DACH2: variants seen among roughly 807,000 people sequenced by gnomAD.
The protein encoded by DACH2 is dachshund homolog 2.
Under a neutral mutation model 35.8 loss-of-function variants are expected in DACH2, and 17 were observed. That is an observed-to-expected ratio of 0.48 (90% CI 0.33 to 0.71). The LOEUF (loss-of-function observed/expected upper bound fraction) is 0.71, where lower values mean the gene tolerates loss of function less well. DACH2 is among the 30% of genes least tolerant of loss of function. The probability of loss-of-function intolerance (pLI) is 0.02; values close to 1 mark genes in which losing one functional copy is unlikely to be tolerated. For missense variants in DACH2, 469 were observed against 472.7 expected, an observed-to-expected ratio of 0.99 and a Z score of 0.07; for synonymous variants, 195 against 177.3, an observed-to-expected ratio of 1.10 and a Z score of -0.79.
intron 2 of DACH2, among the ~76,000 whole-genome samples, chrX:86,391,282 TAAAAAAAAAAAAAAAAA>T (rs55941702): frequency 1.9e-4 from 4 of 21,431 alleles, no homozygotes; most frequent in Admixed American, 1.9e-3. Context: ...GGCTCTGTCT[TAAAAAAAAAAAAAAAAA>T]AAAAAAAAAA....
At chrX:86,692,329 A>T (rs764253380) in intron 4 of DACH2, among the ~76,000 whole-genome samples, 117 of 110,833 alleles carry the variant, frequency 1.1e-3, no homozygotes, top group African/African-American at 3.7e-3. Context: ...AACTCGTCAT[A>T]CATTAGGTGT....
intron 3 of DACH2, among the ~76,000 whole-genome samples, chrX:86,625,392 A>G (rs114849372): frequency 0.014 from 1,542 of 111,008 alleles, 30 homozygotes; most frequent in African/African-American, 0.048. Flanking sequence ...AGTTGGTATC[A>G]GAATTTTCCT....
chrX:86,376,690 A>G lies in DACH2; in HGVS notation c.489-134A>G, dbSNP rs181611661. The G allele has an allele frequency of 9.8e-5, 83 of 849,613 alleles. 1 individual carries two copies. The highest frequency in any genetic ancestry group is 1.3e-4 in the Non-Finnish European group (80 of 631,649). The allele number at this position is 849,613 out of a possible 1,213,427, so 70.0% of individuals were successfully genotyped here. On this transcript the variant is annotated intron_variant, in intron 1 of 11. Transcript: ENST00000373125. Reference sequence around the variant, plus strand: ...GCTGGTGTTTCATTGTGTGTAACCTATCTAAAATTTCTGCAGAATTTAGGA... The same window carrying G: ...GCTGGTGTTTCATTGTGTGTAACCTGTCTAAAATTTCTGCAGAATTTAGGA...
intron 3 of DACH2, among the ~76,000 whole-genome samples, chrX:86,524,086 G>A (rs2038596924): frequency 8.9e-6 from 1 of 112,471 alleles, no homozygotes; most frequent in South Asian, 3.6e-4. Context: ...GAATGACCAA[G>A]GACAGCTTGG....
At chrX:86,487,896 A>G (rs1408271295) in intron 2 of DACH2, among the ~76,000 whole-genome samples, 1 of 111,856 alleles carries the variant, frequency 8.9e-6, no homozygotes, top group African/African-American at 3.2e-5. Flanking sequence ...TTTAGAGTCC[A>G]GCAGATGTGC....
At chrX:86,750,075 T>A (rs1297868339) in intron 7 of DACH2, among the ~76,000 whole-genome samples, 1 of 111,409 alleles carries the variant, frequency 9.0e-6, no homozygotes, top group African/African-American at 3.3e-5. Flanking sequence ...TCAATCTATA[T>A]GCCTTTTATT....
At chrX:86,731,649 A>G (rs753294549) in intron 6 of DACH2, among the ~76,000 whole-genome samples, 26 of 112,131 alleles carry the variant, frequency 2.3e-4, no homozygotes, top group Non-Finnish European at 3.8e-4. Flanking sequence ...TTGCATTTGG[A>G]TCATTTTTTT....
At chrX:86,596,703 G>A (rs2039717112) in intron 3 of DACH2, among the ~76,000 whole-genome samples, 1 of 111,161 alleles carries the variant, frequency 9.0e-6, no homozygotes, top group East Asian at 2.8e-4. Flanking sequence ...GTCATCTGAT[G>A]CACAAAATGT....
chrX:86,549,695 T>C (rs994346278), intron 3 of DACH2, among the ~76,000 whole-genome samples: 1 of 111,216 alleles, frequency 9.0e-6, no homozygotes, highest in African/African-American at 3.2e-5. Flanking sequence ...GAAAATGTAG[T>C]CAAAATTAAA....
chrX:86,248,572 A>G (rs996845005), intron 1 of DACH2, among the ~76,000 whole-genome samples: 1 of 111,373 alleles, frequency 9.0e-6, no homozygotes, highest in Non-Finnish European at 1.9e-5. Context: ...GAAACACACC[A>G]TCCTCATGGA....
chrX:86,546,898 T>C (rs1204627343), intron 3 of DACH2, among the ~76,000 whole-genome samples: 2 of 110,701 alleles, frequency 1.8e-5, no homozygotes, highest in Non-Finnish European at 3.8e-5. Context: ...ACCTACTTTT[T>C]TGCAGGTTAT....
At chrX:86,459,018 TA>T (rs2037522676) in intron 2 of DACH2, among the ~76,000 whole-genome samples, 1 of 111,462 alleles carries the variant, frequency 9.0e-6, no homozygotes. Context: ...TAAAGTATAA[TA>T]AAAAACTTAT....
intron 7 of DACH2, among the ~76,000 whole-genome samples, chrX:86,759,346 C>A (rs1446029195): frequency 1.8e-5 from 2 of 111,516 alleles, no homozygotes; most frequent in Non-Finnish European, 3.8e-5. Context: ...CTGAACTTAT[C>A]CCTTTTTCAT....
intron 7 of DACH2, among the ~76,000 whole-genome samples, chrX:86,746,225 G>A (rs887619785): frequency 9.0e-6 from 1 of 111,451 alleles, no homozygotes; most frequent in African/African-American, 3.3e-5. Flanking sequence ...TTTGCATACA[G>A]TTTTGGGTTG....
At chrX:86,266,249 T>C (rs886093490) in intron 1 of DACH2, among the ~76,000 whole-genome samples, 2 of 111,478 alleles carry the variant, frequency 1.8e-5, no homozygotes, top group Admixed American at 1.9e-4. Flanking sequence ...GTGATGTCCA[T>C]GCTGCTTGTC....
At chrX:86,370,265 T>A (rs1282458974) in intron 1 of DACH2, among the ~76,000 whole-genome samples, 2 of 111,757 alleles carry the variant, frequency 1.8e-5, no homozygotes, top group African/African-American at 6.5e-5. Flanking sequence ...GGCAGTAAAC[T>A]AGGAAGTAAG....
chrX:86,369,961 G>T (rs938061712), intron 1 of DACH2, among the ~76,000 whole-genome samples: 2 of 111,335 alleles, frequency 1.8e-5, no homozygotes, highest in African/African-American at 6.5e-5. Context: ...CTTAAAGACT[G>T]TACAGTGATG....
At chrX:86,570,654 T>C (rs1602657675) in intron 3 of DACH2, among the ~76,000 whole-genome samples, 1 of 110,051 alleles carries the variant, frequency 9.1e-6, no homozygotes, top group African/African-American at 3.3e-5. Flanking sequence ...AGTTGATGGG[T>C]TGACAGGTTC....
At chrX:86,785,134 G>A (rs1020240873) in intron 7 of DACH2, among the ~76,000 whole-genome samples, 3 of 111,122 alleles carry the variant, frequency 2.7e-5, no homozygotes, top group African/African-American at 9.8e-5. Context: ...TAAAATAAAA[G>A]GTTTTCAAAA....
Sources: gnomAD v4.1 joint callset for allele counts (sites outside exome capture counted in the v4.1 genomes callset) on GRCh38, gnomAD v4.1.1 for gene constraint, MANE v1.5 for transcripts, NCBI Gene and HGNC (gene_info 2026-07-23, HGNC 2026-07-21) for gene names.